PPFIBP1: variants seen among roughly 807,000 people sequenced by gnomAD.
The protein encoded by PPFIBP1 is PPFIB scaffold protein 1.
In PPFIBP1, 112 loss-of-function variants were observed where a neutral mutation model predicts 137.8. That is an observed-to-expected ratio of 0.81 (90% CI 0.70 to 0.95). The LOEUF (loss-of-function observed/expected upper bound fraction) is 0.95. Among genes scored for constraint, PPFIBP1 ranks in the 40% least tolerant of loss-of-function variants. PPFIBP1 has a pLI of 0.00. For missense variants in PPFIBP1, 1,083 were observed against 1,196.6 expected (o/e 0.91, Z 1.40); for synonymous variants, 378 against 417.3 (o/e 0.91, Z 1.15).
At chr12:27,589,053 TAGC>T (rs928676029) in intron 2 of PPFIBP1, among the ~76,000 whole-genome samples, 2 of 152,184 alleles carry the variant, frequency 1.3e-5, no homozygotes, top group Non-Finnish European at 2.9e-5. Context: ...TATTAGTAGG[TAGC>T]AGGAAAAGAT....
intron 2 of PPFIBP1, among the ~76,000 whole-genome samples, chr12:27,603,699 T>C (rs1367220193): frequency 6.6e-6 from 1 of 152,174 alleles, no homozygotes; most frequent in African/African-American, 2.4e-5. Context: ...ATGTTTCAAT[T>C]GCATGAGAGC....
At chr12:27,653,687 T>C (rs12582460) in intron 7 of PPFIBP1, among the ~76,000 whole-genome samples, 15,358 of 151,886 alleles carry the variant, frequency 0.1, 1,124 homozygotes, top group African/African-American at 0.2. Context: ...TCATCTCCCA[T>C]GCAGGGTATT....
chr12:27,537,148 T>C (rs1488004761), intron 1 of PPFIBP1, among the ~76,000 whole-genome samples: 1 of 152,188 alleles, frequency 6.6e-6, no homozygotes, highest in Non-Finnish European at 1.5e-5. Flanking sequence ...TCTTTTTTTT[T>C]TGAGACGGAG....
chr12:27,629,687 C>T (rs1417989235), intron 2 of PPFIBP1, among the ~76,000 whole-genome samples: 1 of 152,132 alleles, frequency 6.6e-6, no homozygotes, highest in East Asian at 1.9e-4. Context: ...TTTTTAGAGA[C>T]CAGGGGATTT....
chr12:27,535,002 G>A (rs993154183), intron 1 of PPFIBP1, among the ~76,000 whole-genome samples: 1 of 152,192 alleles, frequency 6.6e-6, no homozygotes, highest in Non-Finnish European at 1.5e-5. Flanking sequence ...CCATTGGTGG[G>A]TCTTATGGTG....
Position 27,687,428 on chromosome 12 carries a change from T to C in PPFIBP1, c.2291T>C (p.Leu764Pro), listed in dbSNP as rs1352815413. Residue 764 changes from leucine to proline, a missense_variant, in exon 25 of 30, where the codon CTC becomes CCC. Physicochemically the swap from Leu to Pro is moderately conservative, Grantham distance 98 (BLOSUM62 -3). Coordinates refer to ENST00000228425, the MANE Select transcript of PPFIBP1 (RefSeq NM_003622.4). ...AAGGTTGTAAGTGTGCTACACCATC[T>C]CAGTATCAAAAGGGCCATCCAGGTC... The part of the protein sequence containing the change: ...SLKVVSVLHH[L>P]SIKRAIQVLR... 1 of 1,614,082 alleles carries C rather than the reference T, an allele frequency of 6.2e-7. No homozygotes were observed. The highest frequency in any genetic ancestry group is 8.5e-7 in the Non-Finnish European group (1 of 1,179,928).
rs368495621 is a variant in PPFIBP1, at chr12:27,593,004, C to T, written c.-36+14765C>T. Among the ~76,000 whole-genome samples the T allele has an allele frequency of 7.3e-5, 11 of 151,404 alleles. No individual in the cohort carries two copies. In the South Asian group the frequency reaches 1.5e-3, roughly 20 times the overall value. On this transcript the variant is annotated intron_variant, in intron 2 of 29. Transcript: ENST00000228425. Reference sequence around the variant, plus strand: ...AAAATACAAAAGTTAGGGTAGCAGACGCCTATAATCCCAGCTACTCAGGAG... The same window carrying T: ...AAAATACAAAAGTTAGGGTAGCAGATGCCTATAATCCCAGCTACTCAGGAG...
chr12:27,661,065 A>AG, intron 11 of PPFIBP1, 120 bp downstream of exon 11: 1 of 1,418,506 alleles, frequency 7.0e-7, no homozygotes, highest in Non-Finnish European at 9.4e-7. Flanking sequence ...GCTAGGAGTG[A>AG]GGGGCAGGTG....
At chr12:27,543,727 G>A (rs1238007129) in intron 1 of PPFIBP1, among the ~76,000 whole-genome samples, 2 of 152,108 alleles carry the variant, frequency 1.3e-5, no homozygotes, top group Admixed American at 1.3e-4. Context: ...ATCAAATTGA[G>A]CATACCGTTG....
At chr12:27,571,962 A>G (rs1565791802) in intron 1 of PPFIBP1, among the ~76,000 whole-genome samples, 2 of 152,184 alleles carry the variant, frequency 1.3e-5, no homozygotes, top group African/African-American at 4.8e-5. Context: ...CAGGACATTT[A>G]TAGAATGCTT....
At chr12:27,567,177 A>G (rs1592518105) in intron 1 of PPFIBP1, among the ~76,000 whole-genome samples, 1 of 152,240 alleles carries the variant, frequency 6.6e-6, no homozygotes, top group Non-Finnish European at 1.5e-5. Flanking sequence ...AATTCAGACC[A>G]TGGGGTGCTC....
intron 2 of PPFIBP1, among the ~76,000 whole-genome samples, chr12:27,620,741 T>C (rs1157755280): frequency 6.6e-6 from 1 of 152,070 alleles, no homozygotes; most frequent in Non-Finnish European, 1.5e-5. Flanking sequence ...CTTAGGGTTA[T>C]TGTAAGGATT....
At chr12:27,690,224 G>A (rs1459512820) in intron 27 of PPFIBP1, among the ~76,000 whole-genome samples, 1 of 151,972 alleles carries the variant, frequency 6.6e-6, no homozygotes, top group African/African-American at 2.4e-5. Flanking sequence ...CCACATATAG[G>A]GAGGCCCAAC....
chr12:27,563,277 T>TAAA (rs869044515), intron 1 of PPFIBP1, among the ~76,000 whole-genome samples: 1,789 of 22,146 alleles, frequency 0.081, 271 homozygotes, highest in South Asian at 0.17. Context: ...CCATCTCTAC[T>TAAA]AAAAAAAAAA....
intron 2 of PPFIBP1, chr12:27,593,665 G>A (rs2052813273): frequency 5.5e-6 from 3 of 542,192 alleles, no homozygotes; most frequent in Non-Finnish European, 1.0e-5. Flanking sequence ...CTGACAGATA[G>A]TTTTGTCCTC....
intron 7 of PPFIBP1, among the ~76,000 whole-genome samples, chr12:27,651,503 C>G (rs1241045225): frequency 6.6e-6 from 1 of 152,112 alleles, no homozygotes; most frequent in East Asian, 1.9e-4. Context: ...TAGAAAGTTA[C>G]CCAATTTAAA....
At chr12:27,619,427 A>T (rs2138485133) in intron 2 of PPFIBP1, among the ~76,000 whole-genome samples, 1 of 152,284 alleles carries the variant, frequency 6.6e-6, no homozygotes. Context: ...CTTTGAATCC[A>T]CTGATGATGC....
chr12:27,539,485 C>A (rs901543500), intron 1 of PPFIBP1, among the ~76,000 whole-genome samples: 13 of 152,288 alleles, frequency 8.5e-5, no homozygotes, highest in African/African-American at 2.6e-4. Context: ...AATGTTTTGA[C>A]TATCAAATTC....
chr12:27,620,896 A>AT (rs1555217797), intron 2 of PPFIBP1, among the ~76,000 whole-genome samples: 4 of 152,110 alleles, frequency 2.6e-5, no homozygotes, highest in Non-Finnish European at 5.9e-5. Context: ...TAAACTGTTT[A>AT]TTTTTTGTGG....
Sources: allele counts gnomAD v4.1 joint callset (sites outside exome capture counted in the v4.1 genomes callset), GRCh38; gene constraint gnomAD v4.1.1; transcripts MANE v1.5; gene names NCBI Gene and HGNC (gene_info 2026-07-23, HGNC 2026-07-21).